The following PAPPA2 variants were observed in gnomAD, a reference collection of about 807,000 sequenced individuals.
PAPPA2 encodes pappalysin-2.
Under a neutral mutation model 176.4 loss-of-function variants are expected in PAPPA2, and 86 were observed. That is an observed-to-expected ratio of 0.49 (90% CI 0.41 to 0.58). The LOEUF (loss-of-function observed/expected upper bound fraction) is 0.58. Ranked by LOEUF, PAPPA2 falls within the 20% of genes least tolerant of loss-of-function variation. PAPPA2 has a pLI of 0.00. For synonymous variants in PAPPA2, 809 were observed against 852.2 expected (o/e 0.95, Z 0.88); for missense variants, 2,073 against 2,256.9 (o/e 0.92, Z 1.65).
chr1:176,789,209 A>G (rs1251244358), intron 17 of PAPPA2, among the ~76,000 whole-genome samples: 4 of 152,224 alleles, frequency 2.6e-5, no homozygotes, highest in Non-Finnish European at 4.4e-5. Context: ...ACACCATGGA[A>G]TACTATGCAG....
intron 7 of PAPPA2, among the ~76,000 whole-genome samples, chr1:176,697,996 C>G (rs1229089756): frequency 6.6e-6 from 1 of 152,164 alleles, no homozygotes; most frequent in African/African-American, 2.4e-5. Context: ...ACACACCACA[C>G]ACACACAGTT....
At chr1:176,522,024 C>G (rs1348484496) in intron 1 of PAPPA2, among the ~76,000 whole-genome samples, 2 of 152,130 alleles carry the variant, frequency 1.3e-5, no homozygotes, top group Admixed American at 6.5e-5. Flanking sequence ...CTATGAATTT[C>G]TAGGGGAACT....
chr1:176,769,513 A>T (rs574936449), intron 15 of PAPPA2, 94 bp from the exon 16 acceptor site: 215 of 1,326,728 alleles, frequency 1.6e-4, no homozygotes, highest in Non-Finnish European at 2.2e-4. Flanking sequence ...TTAAATGTTT[A>T]GACAGATAAT....
rs571466141 is a variant in PAPPA2 at position 176,768,212 on chromosome 1, C to A, written c.4324-1395C>A. 5.3e-5 allele frequency among the ~76,000 whole-genome samples: 8 copies of A among 152,160 alleles called. 1 individual carries two copies. Among genetic ancestry groups the A allele is most frequent in the African/African-American group, 1.4e-4 (6 of 41,512 alleles). On this transcript the variant is annotated intron_variant, in intron 15 of 22. Coordinates refer to ENST00000367662, the MANE Select transcript of PAPPA2 (RefSeq NM_020318.3). ...AGGTCCTGCCTTGTTACATTCCCCC[C>A]ACCCTAGACACCTTCTTCTCCCACC...
In PAPPA2 at chr1:176,778,689, C is replaced by G. The variant is rs183407027; in HGVS notation, c.4715+7509C>G. On this transcript the variant is annotated intron_variant, in intron 17 of 22. Coordinates refer to ENST00000367662, the MANE Select transcript of PAPPA2 (RefSeq NM_020318.3). ...AATGAATAGGTGCTAAACCTATACA[C>G]TTATATACACATGTTCTATCTATGA... Among the ~76,000 whole-genome samples the G allele has an allele frequency of 2.0e-5, 3 of 152,304 alleles. No homozygotes were observed. The East Asian group carries it at 5.8e-4, about 29-fold the overall frequency.
chr1:176,799,205 A>C (rs1665565823), intron 20 of PAPPA2, among the ~76,000 whole-genome samples: 1 of 152,094 alleles, frequency 6.6e-6, no homozygotes, highest in African/African-American at 2.4e-5. Context: ...TCTCTTTGAA[A>C]CCTGCCATGG....
At chr1:176,622,574 T>G (rs1351425857) in intron 3 of PAPPA2, among the ~76,000 whole-genome samples, 1 of 152,160 alleles carries the variant, frequency 6.6e-6, no homozygotes, top group Non-Finnish European at 1.5e-5. Context: ...TTGTTTGAGA[T>G]CAAGGTATCT....
At chr1:176,791,935 A>C (rs1279567952) in intron 19 of PAPPA2, among the ~76,000 whole-genome samples, 2 of 152,192 alleles carry the variant, frequency 1.3e-5, no homozygotes, top group Admixed American at 6.5e-5. Flanking sequence ...ATTGAGATTT[A>C]TGGCAACTTT....
At chr1:176,703,206 T>A (rs569914430) in intron 9 of PAPPA2, among the ~76,000 whole-genome samples, 9 of 152,330 alleles carry the variant, frequency 5.9e-5, no homozygotes, top group South Asian at 2.1e-4. Context: ...TTTCGGATCT[T>A]CAGTTTCTCA....
intron 2 of PAPPA2, among the ~76,000 whole-genome samples, chr1:176,590,009 T>G (rs1043038537): frequency 1.3e-5 from 2 of 152,162 alleles, no homozygotes; most frequent in Non-Finnish European, 2.9e-5. Flanking sequence ...ACTCTATGAC[T>G]CCAATTTGTA....
At chr1:176,496,509 C>A (rs547874505) in intron 1 of PAPPA2, among the ~76,000 whole-genome samples, 24 of 152,106 alleles carry the variant, frequency 1.6e-4, no homozygotes, top group African/African-American at 5.3e-4. Context: ...GCCGAGTGTT[C>A]CTTTACGAGG....
chr1:176,817,381 A>G (rs1666446317), intron 21 of PAPPA2, among the ~76,000 whole-genome samples: 1 of 152,148 alleles, frequency 6.6e-6, no homozygotes, highest in Non-Finnish European at 1.5e-5. Context: ...AGAGTGTTGA[A>G]TGCTGCCGTG....
intron 17 of PAPPA2, among the ~76,000 whole-genome samples, chr1:176,772,751 AG>A (rs148342942): frequency 1.3e-5 from 2 of 152,312 alleles, no homozygotes; most frequent in East Asian, 3.9e-4. Context: ...TAGCATCTAG[AG>A]GCAATTTGCA....
intron 3 of PAPPA2, among the ~76,000 whole-genome samples, chr1:176,625,905 C>T (rs759480578): frequency 1.3e-5 from 2 of 151,936 alleles, no homozygotes; most frequent in African/African-American, 2.4e-5. Flanking sequence ...CACCTGTAGT[C>T]GAAGCTACTT....
intron 1 of PAPPA2, among the ~76,000 whole-genome samples, chr1:176,496,431 G>T (rs1490998088): frequency 1.3e-5 from 2 of 152,172 alleles, no homozygotes; most frequent in African/African-American, 4.8e-5. Context: ...GGAAGAGAAT[G>T]GTCCTGGTCT....
intron 1 of PAPPA2, among the ~76,000 whole-genome samples, chr1:176,517,096 T>G (rs2102531845): frequency 6.6e-6 from 1 of 152,306 alleles, no homozygotes; most frequent in South Asian, 2.1e-4. Flanking sequence ...ATAGAGACTC[T>G]TCCTTGACCT....
rs565120359 is a variant in PAPPA2, at chr1:176,520,524, T to C, written c.-916-34883T>C. 2.2e-4 allele frequency among the ~76,000 whole-genome samples: 33 copies of C among 152,294 alleles called. No homozygotes were observed. In the South Asian group the frequency reaches 6.6e-3, roughly 31 times the overall value. ...GAAGATCCTGTCATCTCTGTGTCAG[T>C]GTTGGATCAGTAGCAGAGACATTTC... On this transcript the variant is annotated intron_variant, in intron 1 of 22. Coordinates refer to ENST00000367662, the MANE Select transcript of PAPPA2 (RefSeq NM_020318.3).
At chr1:176,801,980 C>T (rs1035647231) in intron 21 of PAPPA2, among the ~76,000 whole-genome samples, 2 of 152,114 alleles carry the variant, frequency 1.3e-5, no homozygotes, top group African/African-American at 4.8e-5. Context: ...GGGCTGATGT[C>T]TCCTCTGCCT....
intron 12 of PAPPA2, among the ~76,000 whole-genome samples, chr1:176,731,668 C>T (rs947165349): frequency 2.0e-5 from 3 of 150,952 alleles, no homozygotes; most frequent in Admixed American, 1.3e-4. Context: ...TGTGTGTGTA[C>T]ATATATGTGT....
Sources: gnomAD v4.1 joint callset for allele counts (sites outside exome capture counted in the v4.1 genomes callset) on GRCh38, gnomAD v4.1.1 for gene constraint, MANE v1.5 for transcripts, NCBI Gene and HGNC (gene_info 2026-07-23, HGNC 2026-07-21) for gene names.